Variants in KIAA0825 observed in about 807,000 individuals in gnomAD.
The protein encoded by KIAA0825 is uncharacterized protein KIAA0825.
Under a neutral mutation model 147.6 loss-of-function variants are expected in KIAA0825, and 119 were observed. That is an observed-to-expected ratio of 0.81 (90% confidence interval 0.69 to 0.94). The LOEUF (loss-of-function observed/expected upper bound fraction) is 0.94, where lower values mean the gene tolerates loss of function less well. Ranked by LOEUF, KIAA0825 falls within the 40% of genes least tolerant of loss-of-function variation. The probability of loss-of-function intolerance (pLI) is 0.00; values close to 1 mark genes in which losing one functional copy is unlikely to be tolerated. For missense variants in KIAA0825, 1,381 were observed against 1,472.7 expected, an observed-to-expected ratio of 0.94 and a Z score of 1.02; for synonymous variants, 470 against 518.1, an observed-to-expected ratio of 0.91 and a Z score of 1.26.
At chr5:94,265,726 G>A (rs989847260) in intron 20 of KIAA0825, among the ~76,000 whole-genome samples, 2 of 152,088 alleles carry the variant, frequency 1.3e-5, no homozygotes, top group African/African-American at 4.8e-5. Flanking sequence ...GCTTGAACCC[G>A]GGAGGCGGAG....
chr5:94,416,646 C>T (rs2150709054), intron 15 of KIAA0825: 1 of 152,438 alleles, frequency 6.6e-6, no homozygotes, highest in Middle Eastern at 3.4e-3. Flanking sequence ...TTCAAATATA[C>T]AACCTGCACT....
At chr5:94,427,788 CT>C (rs1755083111) in intron 14 of KIAA0825, among the ~76,000 whole-genome samples, 1 of 152,050 alleles carries the variant, frequency 6.6e-6, no homozygotes, top group Admixed American at 6.6e-5. Context: ...CTGTCTAAAC[CT>C]TTTCATAGGT....
chr5:94,257,303 T>C (rs1163082432), intron 20 of KIAA0825, among the ~76,000 whole-genome samples: 1 of 152,122 alleles, frequency 6.6e-6, no homozygotes. Context: ...TAATTACTTG[T>C]CTTCACTGTC....
chr5:94,410,958 T>A (rs1049698242), intron 15 of KIAA0825, among the ~76,000 whole-genome samples: 2 of 152,116 alleles, frequency 1.3e-5, no homozygotes, highest in African/African-American at 4.8e-5. Context: ...TATAAAAGAC[T>A]TTTTCCCATT....
intron 2 of KIAA0825, among the ~76,000 whole-genome samples, chr5:94,567,206 T>C (rs1778859739): frequency 6.6e-6 from 1 of 152,200 alleles, no homozygotes. Flanking sequence ...AGGATATATT[T>C]CAATATCCTC....
At chr5:94,168,671 C>T (rs972208448) in intron 20 of KIAA0825, among the ~76,000 whole-genome samples, 18 of 152,070 alleles carry the variant, frequency 1.2e-4, no homozygotes, top group African/African-American at 4.1e-4. Context: ...AGATAGAAGG[C>T]CAAGGTCATA....
intron 5 of KIAA0825, chr5:94,519,203 A>G: frequency 2.3e-6 from 2 of 864,910 alleles, no homozygotes; most frequent in Non-Finnish European, 2.8e-6. Context: ...GAAAATTCAT[A>G]TATCACATTA....
intron 20 of KIAA0825, among the ~76,000 whole-genome samples, chr5:94,283,114 CAG>C (rs1245988638): frequency 6.6e-6 from 1 of 152,002 alleles, no homozygotes; most frequent in Non-Finnish European, 1.5e-5. Context: ...ATTCTAAATT[CAG>C]AGACTTTATA....
chr5:94,381,135 G>C (rs1748349781), intron 20 of KIAA0825, among the ~76,000 whole-genome samples: 1 of 152,168 alleles, frequency 6.6e-6, no homozygotes, highest in Non-Finnish European at 1.5e-5. Flanking sequence ...TTTCTGATCT[G>C]ATACTTTTTC....
At chr5:94,537,789 A>G (rs545120473) in intron 2 of KIAA0825, among the ~76,000 whole-genome samples, 1 of 152,248 alleles carries the variant, frequency 6.6e-6, no homozygotes, top group South Asian at 2.1e-4. Flanking sequence ...GGGTGGGTGC[A>G]GCAAAAATTC....
intron 20 of KIAA0825, among the ~76,000 whole-genome samples, chr5:94,343,774 A>G (rs138001105): frequency 6.6e-6 from 1 of 152,344 alleles, no homozygotes; most frequent in African/African-American, 2.4e-5. Context: ...CCCTCTATCT[A>G]TCTACCCTTC....
At chr5:94,593,422 GT>G (rs2152397721) in intron 1 of KIAA0825, 7 of 787,368 alleles carry the variant, frequency 8.9e-6, no homozygotes, top group Non-Finnish European at 1.3e-5. Flanking sequence ...AACGGAACTT[GT>G]TTTTGACACC....
chr5:94,456,774 T>G (rs369390062), intron 12 of KIAA0825, among the ~76,000 whole-genome samples: 57 of 152,350 alleles, frequency 3.7e-4, no homozygotes, highest in African/African-American at 1.3e-3. Context: ...AAGATATCAT[T>G]ATGAGATAAC....
intron 20 of KIAA0825, among the ~76,000 whole-genome samples, chr5:94,215,039 T>A (rs900820064): frequency 6.6e-6 from 1 of 152,196 alleles, no homozygotes; most frequent in Non-Finnish European, 1.5e-5. Context: ...AGCAGCCAAG[T>A]TTTTTTAAAG....
Position 94,391,617 on chromosome 5 carries a change from T to C in KIAA0825, c.3374A>G (p.Asn1125Ser), listed in dbSNP as rs991063911. Residue 1125 changes from asparagine to serine, a missense_variant, in exon 18 of 21, where the codon AAC (asparagine) becomes AGC (serine). Physicochemically the swap from Asn to Ser is conservative, Grantham distance 46 (BLOSUM62 1). Coordinates refer to ENST00000682413, the MANE Select transcript of KIAA0825 (RefSeq NM_001145678.3). ...VALELTEQKI[N>S]TMVLDLCHKP... The stretch of plus-strand genomic sequence containing the variant: ...GTGGCAGAGATCCAGGACCATCGTG[T>C]TTATTTTCTGCTCAGTCAGTTCAAG... 1.4e-5 allele frequency: 21 copies of C among 1,551,524 alleles called. No homozygotes were observed. The African/African-American group carries it at 2.7e-4, about 20-fold the overall frequency.
rs184241058 is a variant in KIAA0825, at chr5:94,568,070, G to A, written c.-2+14363C>T. 3.5e-4 allele frequency: 57 copies of A among 164,736 alleles called. 1 individual carries two copies. The East Asian group carries it at 7.8e-3, about 22-fold the overall frequency. 10.2% of individuals were successfully genotyped at this position (164,736 alleles called of 1,614,324 possible). On this transcript the variant is annotated intron_variant, in intron 2 of 20. Coordinates refer to ENST00000682413, the MANE Select transcript of KIAA0825 (RefSeq NM_001145678.3). ...TACTTCAAGCCAATTAGGACTCATG[G>A]TAGTCACAATCGGCATCAACCAACC...
At chr5:94,403,901 G>C in intron 15 of KIAA0825, 108 bp from the exon 16 acceptor site, 1 of 866,758 alleles carries the variant, frequency 1.2e-6, no homozygotes, top group Non-Finnish European at 1.8e-6. Flanking sequence ...CTATAGGAAA[G>C]GAGAGCTGCT....
At chr5:94,256,569 A>G (rs1776264928) in intron 20 of KIAA0825, among the ~76,000 whole-genome samples, 1 of 152,154 alleles carries the variant, frequency 6.6e-6, no homozygotes, top group South Asian at 2.1e-4. Flanking sequence ...TAGGCAATAT[A>G]GTTTAATTTT....
chr5:94,440,137 A>G lies in KIAA0825; in HGVS notation c.2358-16T>C. Reference sequence around the variant, plus strand: ...TGATGGAGTCCTTTCAAAATGCAAGATAAAGATGGAGTAATGAAGTTAATT... The same window carrying G: ...TGATGGAGTCCTTTCAAAATGCAAGGTAAAGATGGAGTAATGAAGTTAATT... On this transcript the variant is annotated splice_polypyrimidine_tract_variant and intron_variant, in intron 13 of 20. Coordinates refer to ENST00000682413, the MANE Select transcript of KIAA0825 (RefSeq NM_001145678.3). 1 of 1,549,996 alleles carries G rather than the reference A, an allele frequency of 6.5e-7. No homozygotes were observed. The highest frequency in any genetic ancestry group is 2.4e-5 in the East Asian group (1 of 40,892).
Sources: gnomAD v4.1 joint callset for allele counts (sites outside exome capture counted in the v4.1 genomes callset) on GRCh38, gnomAD v4.1.1 for gene constraint, MANE v1.5 for transcripts, NCBI Gene and HGNC (gene_info 2026-07-23, HGNC 2026-07-21) for gene names.